NRG3: variants seen among roughly 807,000 people sequenced by gnomAD.
NRG3 encodes pro-neuregulin-3, membrane-bound isoform.
Under a neutral mutation model 66.9 loss-of-function variants are expected in NRG3, and 31 were observed. That is an observed-to-expected ratio of 0.46 (90% CI 0.35 to 0.63). NRG3 has a LOEUF of 0.63. Ranked by LOEUF, NRG3 falls within the 20% of genes least tolerant of loss-of-function variation. NRG3 has a pLI of 0.00. For missense variants in NRG3, 910 were observed against 878.9 expected (o/e 1.04, Z -0.45); for synonymous variants, 393 against 359.4 (o/e 1.09, Z -1.06).
intron 1 of NRG3, among the ~76,000 whole-genome samples, chr10:81,898,024 G>C (rs1843681337): frequency 2.0e-5 from 3 of 152,272 alleles, no homozygotes; most frequent in South Asian, 4.1e-4. Context: ...GTAATGGCAG[G>C]CCTCAGTAGT....
At chr10:82,396,232 ATTTTTTT>A (rs375717648) in intron 2 of NRG3, among the ~76,000 whole-genome samples, 2 of 151,722 alleles carry the variant, frequency 1.3e-5, no homozygotes, top group Non-Finnish European at 2.9e-5. Flanking sequence ...CCTCTGGAAC[ATTTTTTT>A]TCATCCTTCT....
chr10:82,543,670 A>T (rs573961970), intron 2 of NRG3, among the ~76,000 whole-genome samples: 1 of 152,290 alleles, frequency 6.6e-6, no homozygotes, highest in South Asian at 2.1e-4. Flanking sequence ...CCTTATTTAC[A>T]TTTATAATAG....
At chr10:82,830,112 G>A (rs1324611546) in intron 3 of NRG3, among the ~76,000 whole-genome samples, 1 of 152,176 alleles carries the variant, frequency 6.6e-6, no homozygotes, top group Non-Finnish European at 1.5e-5. Context: ...ACTCATTTTT[G>A]AGTTGCAGAT....
intron 2 of NRG3, among the ~76,000 whole-genome samples, chr10:82,666,398 A>T (rs1379462445): frequency 6.6e-6 from 1 of 152,206 alleles, no homozygotes; most frequent in Non-Finnish European, 1.5e-5. Context: ...AATGTCAATT[A>T]TCCCATTTAA....
intron 3 of NRG3, among the ~76,000 whole-genome samples, chr10:82,770,452 T>C (rs559106459): frequency 2.0e-5 from 3 of 152,086 alleles, no homozygotes; most frequent in Non-Finnish European, 2.9e-5. Context: ...AAATTCCTAA[T>C]ACGACGATTT....
chr10:81,974,029 G>A (rs1359958584), intron 1 of NRG3, among the ~76,000 whole-genome samples: 1 of 151,996 alleles, frequency 6.6e-6, no homozygotes, highest in African/African-American at 2.4e-5. Context: ...TCCAGAGTTT[G>A]TATAGTTTTG....
chr10:82,460,640 C>G (rs1564947256), intron 2 of NRG3, among the ~76,000 whole-genome samples: 1 of 152,120 alleles, frequency 6.6e-6, no homozygotes, highest in Non-Finnish European at 1.5e-5. Context: ...CTTAGCTACA[C>G]GTGCAGCAGG....
At chr10:82,130,522 T>C (rs1281244320) in intron 1 of NRG3, among the ~76,000 whole-genome samples, 4 of 152,108 alleles carry the variant, frequency 2.6e-5, no homozygotes, top group Non-Finnish European at 4.4e-5. Context: ...ATCTCTTTGA[T>C]ATACTGATTT....
chr10:82,723,925 A>T (rs1387864813), intron 2 of NRG3, among the ~76,000 whole-genome samples: 1 of 152,030 alleles, frequency 6.6e-6, no homozygotes. Flanking sequence ...GGTTGCAGAG[A>T]GCTGAGATCA....
At chr10:82,147,621 A>C (rs2070354217) in intron 1 of NRG3, among the ~76,000 whole-genome samples, 1 of 152,210 alleles carries the variant, frequency 6.6e-6, no homozygotes, top group Admixed American at 6.5e-5. Flanking sequence ...TGAGCTGCCC[A>C]ATGTGCCTGC....
chr10:82,813,219 T>TC (rs1178755181), intron 3 of NRG3, among the ~76,000 whole-genome samples: 1 of 147,848 alleles, frequency 6.8e-6, no homozygotes, highest in East Asian at 2.0e-4. Context: ...CTCTTTTTTT[T>TC]TTTTTTTTTT....
chr10:82,579,397 A>G (rs1487317867), intron 2 of NRG3, among the ~76,000 whole-genome samples: 3 of 152,102 alleles, frequency 2.0e-5, no homozygotes, highest in African/African-American at 7.2e-5. Context: ...CTAACAACTA[A>G]TCTTGCTTCA....
rs758170952 is a variant in NRG3, at chr10:82,985,593, A to C, written c.2079A>C (p.Ala693=). ...VLRNEIQRDS[A]LTK Reference sequence around the variant, plus strand: ...GAAATGAAATACAAAGAGACTCTGCATTGACCAAGTGACTTGAGATGTAGG... The same window carrying C: ...GAAATGAAATACAAAGAGACTCTGCCTTGACCAAGTGACTTGAGATGTAGG... Residue 693 remains alanine, a synonymous_variant, in exon 9 of 9, where the codon GCA becomes GCC. Coordinates refer to ENST00000372141, the MANE Select transcript of NRG3 (RefSeq NM_001010848.4). 2 of 1,611,472 alleles carry C rather than the reference A, an allele frequency of 1.2e-6. No individual in the cohort carries two copies. Among genetic ancestry groups the C allele is most frequent in the Non-Finnish European group, 1.7e-6 (2 of 1,179,808 alleles).
intron 2 of NRG3, among the ~76,000 whole-genome samples, chr10:82,638,710 G>A (rs560669901): frequency 5.9e-5 from 9 of 151,854 alleles, no homozygotes; most frequent in Admixed American, 1.3e-4. Flanking sequence ...GCAGTGGTGC[G>A]ATCTCAGCTA....
intron 6 of NRG3, among the ~76,000 whole-genome samples, chr10:82,959,578 T>C (rs1850407816): frequency 6.6e-6 from 1 of 152,136 alleles, no homozygotes; most frequent in Non-Finnish European, 1.5e-5. Context: ...GGACTCGGAC[T>C]GGGTTTGGAA....
At chr10:81,923,418 A>G (rs974208442) in intron 1 of NRG3, among the ~76,000 whole-genome samples, 5 of 151,560 alleles carry the variant, frequency 3.3e-5, no homozygotes, top group African/African-American at 4.9e-5. Flanking sequence ...TGTTAGCCAG[A>G]ATGGTCTCGA....
At chr10:82,468,228 C>G (rs79150753) in intron 2 of NRG3, among the ~76,000 whole-genome samples, 5,856 of 152,304 alleles carry the variant, frequency 0.038, 162 homozygotes, top group Non-Finnish European at 0.055. Flanking sequence ...CCACATCACG[C>G]TGGATTCCCC....
intron 2 of NRG3, among the ~76,000 whole-genome samples, chr10:82,656,170 C>T (rs1308213471): frequency 2.6e-5 from 4 of 151,994 alleles, no homozygotes; most frequent in African/African-American, 9.7e-5. Context: ...TTTTTAATTA[C>T]ACAAGTTAAA....
At chr10:82,476,989 T>C (rs1841841970) in intron 2 of NRG3, among the ~76,000 whole-genome samples, 1 of 152,134 alleles carries the variant, frequency 6.6e-6, no homozygotes, top group Non-Finnish European at 1.5e-5. Flanking sequence ...CTTTCCCTTT[T>C]GGAAAGGATG....
Sources: gnomAD v4.1 joint callset for allele counts (sites outside exome capture counted in the v4.1 genomes callset) on GRCh38, gnomAD v4.1.1 for gene constraint, MANE v1.5 for transcripts, NCBI Gene and HGNC (gene_info 2026-07-23, HGNC 2026-07-21) for gene names.